The following MACROD2 variants were observed in gnomAD, a reference collection of about 807,000 sequenced individuals.
The protein encoded by MACROD2 is ADP-ribose glycohydrolase MACROD2.
A neutral mutation model predicts 70.4 loss-of-function variants in MACROD2; 36 were observed. The observed-to-expected ratio is 0.51, with a 90% CI of 0.39 to 0.68. The LOEUF (loss-of-function observed/expected upper bound fraction) is 0.68. MACROD2 is among the 30% of genes least tolerant of loss of function. The pLI is 0.00. For missense variants in MACROD2, 496 were observed against 538.4 expected, an observed-to-expected ratio of 0.92 and a Z score of 0.78; for synonymous variants, 172 against 178.8, an observed-to-expected ratio of 0.96 and a Z score of 0.30.
chr20:15,531,922 C>T (rs1368867811), intron 8 of MACROD2, among the ~76,000 whole-genome samples: 1 of 152,106 alleles, frequency 6.6e-6, no homozygotes, highest in Non-Finnish European at 1.5e-5. Flanking sequence ...TTCATGAATA[C>T]ATAAATAAAA....
intron 2 of MACROD2, among the ~76,000 whole-genome samples, chr20:14,084,085 A>AAAAAAAC (rs1569151544): frequency 1.3e-5 from 2 of 148,300 alleles, no homozygotes; most frequent in Non-Finnish European, 3.0e-5. Context: ...AAACAAACAA[A>AAAAAAAC]AAAAAACCTT....
At chr20:14,756,615 C>T (rs1242052762) in intron 5 of MACROD2, among the ~76,000 whole-genome samples, 1 of 152,050 alleles carries the variant, frequency 6.6e-6, no homozygotes, top group African/African-American at 2.4e-5. Context: ...GACCTGTTTT[C>T]CTCAATCTTG....
intron 17 of MACROD2, among the ~76,000 whole-genome samples, chr20:16,044,912 A>T (rs1283448018): frequency 6.6e-6 from 1 of 152,120 alleles, no homozygotes. Context: ...GTCTCCATCC[A>T]TCTCACCCCC....
Position 14,102,454 on chromosome 20 carries a change from C to G in MACROD2, c.271+16726C>G, listed in dbSNP as rs188735298. Among the ~76,000 whole-genome samples, 80 of 152,198 alleles carry G rather than the reference C, an allele frequency of 5.3e-4. 1 individual carries two copies. Among genetic ancestry groups the G allele is most frequent in the African/African-American group, 1.8e-3 (76 of 41,554 alleles). On this transcript the variant is annotated intron_variant, in intron 3 of 17. Transcript: ENST00000684519. ...TAAATAAACAATTAACAGCTGGCTA[C>G]AAACTACTTATAGAATGATACTGTT...
intron 5 of MACROD2, among the ~76,000 whole-genome samples, chr20:14,931,725 G>A (rs61052210): frequency 0.015 from 2,027 of 137,798 alleles, 52 homozygotes; most frequent in African/African-American, 0.049. Flanking sequence ...CAGGTGTGGT[G>A]GCTTACACCT....
intron 8 of MACROD2, among the ~76,000 whole-genome samples, chr20:15,782,681 G>A (rs959324330): frequency 4.7e-5 from 6 of 128,576 alleles, no homozygotes; most frequent in Non-Finnish European, 9.4e-5. Flanking sequence ...CAAGGAGAGG[G>A]GAAATAGAGG....
At chr20:14,015,616 A>G (rs2052977366) in intron 2 of MACROD2, among the ~76,000 whole-genome samples, 1 of 151,958 alleles carries the variant, frequency 6.6e-6, no homozygotes, top group African/African-American at 2.4e-5. Context: ...CTTTGTACCC[A>G]TTAAACAATA....
At chr20:15,353,334 C>A (rs1015622823) in intron 6 of MACROD2, among the ~76,000 whole-genome samples, 3 of 152,132 alleles carry the variant, frequency 2.0e-5, no homozygotes, top group African/African-American at 7.2e-5. Flanking sequence ...CTTCCTTACA[C>A]CTTATACAAA....
chr20:14,489,685 G>A (rs1600295946), intron 3 of MACROD2, among the ~76,000 whole-genome samples: 2 of 152,080 alleles, frequency 1.3e-5, no homozygotes, highest in African/African-American at 4.8e-5. Context: ...ATGATGAAAA[G>A]CAAACAAAAC....
intron 3 of MACROD2, among the ~76,000 whole-genome samples, chr20:14,426,451 T>TC (rs1399857384): frequency 1.3e-5 from 2 of 152,142 alleles, no homozygotes; most frequent in African/African-American, 4.8e-5. Context: ...TGCATTTCCT[T>TC]CAAGTTGCTA....
chr20:15,232,296 A>C (rs1205728028), intron 6 of MACROD2, among the ~76,000 whole-genome samples: 1 of 152,100 alleles, frequency 6.6e-6, no homozygotes, highest in East Asian at 1.9e-4. Flanking sequence ...TAGATGGTAG[A>C]CATGGTTGAT....
At chr20:15,021,081 T>C (rs1460744895) in intron 5 of MACROD2, among the ~76,000 whole-genome samples, 1 of 133,284 alleles carries the variant, frequency 7.5e-6, no homozygotes, top group Non-Finnish European at 1.7e-5. Context: ...TGTGTGTATG[T>C]GTATACACGT....
intron 5 of MACROD2, among the ~76,000 whole-genome samples, chr20:14,998,893 A>G (rs2074971382): frequency 6.6e-6 from 1 of 152,238 alleles, no homozygotes; most frequent in South Asian, 2.1e-4. Flanking sequence ...AGGAGAAAAG[A>G]AACAACTAAC....
intron 6 of MACROD2, among the ~76,000 whole-genome samples, chr20:15,351,811 A>G (rs953652692): frequency 6.6e-6 from 1 of 152,182 alleles, no homozygotes; most frequent in African/African-American, 2.4e-5. Flanking sequence ...TGTACCCTCT[A>G]CTAGGCATGC....
At chr20:15,932,174 G>C (rs1253598391) in intron 10 of MACROD2, among the ~76,000 whole-genome samples, 1 of 152,144 alleles carries the variant, frequency 6.6e-6, no homozygotes, top group African/African-American at 2.4e-5. Context: ...TTGGCTCACA[G>C]GTCTGGCCCT....
chr20:14,170,105 A>G (rs996576158), intron 3 of MACROD2, among the ~76,000 whole-genome samples: 2 of 151,968 alleles, frequency 1.3e-5, no homozygotes, highest in Non-Finnish European at 2.9e-5. Flanking sequence ...TTTTGGCCAG[A>G]CTGGTCTCGA....
At chr20:15,125,140 G>T (rs538840399) in intron 5 of MACROD2, among the ~76,000 whole-genome samples, 2 of 152,088 alleles carry the variant, frequency 1.3e-5, no homozygotes, top group East Asian at 3.9e-4. Context: ...AAATAGTTGT[G>T]TATAAACTTA....
intron 5 of MACROD2, among the ~76,000 whole-genome samples, chr20:14,962,096 G>T (rs1475267193): frequency 6.6e-6 from 1 of 152,188 alleles, no homozygotes; most frequent in Non-Finnish European, 1.5e-5. Flanking sequence ...TCCCACGTTG[G>T]CCTCCCGAGT....
intron 8 of MACROD2, among the ~76,000 whole-genome samples, chr20:15,809,431 A>C (rs1326206232): frequency 6.6e-6 from 1 of 152,252 alleles, no homozygotes; most frequent in Non-Finnish European, 1.5e-5. Flanking sequence ...CTGTACAAGA[A>C]GCACGGCTTC....
Sources: gnomAD v4.1 joint callset for allele counts (sites outside exome capture counted in the v4.1 genomes callset) on GRCh38, gnomAD v4.1.1 for gene constraint, MANE v1.5 for transcripts, NCBI Gene and HGNC (gene_info 2026-07-23, HGNC 2026-07-21) for gene names.